LPAR1: variants seen among roughly 807,000 people sequenced by gnomAD.
The protein encoded by LPAR1 is LPA receptor 1.
In LPAR1, 5 loss-of-function variants were observed where a neutral mutation model predicts 23.8. The ratio of observed to expected loss-of-function variants is 0.21; its 90% CI spans 0.11 to 0.44. LPAR1 has a LOEUF of 0.44. Ranked by LOEUF, LPAR1 falls within the 20% of genes least tolerant of loss-of-function variation. LPAR1 has a pLI of 0.99. For missense variants in LPAR1, 311 were observed against 482.8 expected, an observed-to-expected ratio of 0.64 and a Z score of 3.33; for synonymous variants, 160 against 164.7, an observed-to-expected ratio of 0.97 and a Z score of 0.22.
intron 3 of LPAR1, 63 bp from the exon 4 acceptor site, chr9:110,972,283 C>T (rs981112240): frequency 1.6e-6 from 1 of 623,242 alleles, no homozygotes; most frequent in Non-Finnish European, 2.9e-6. Context: ...TGTGAAGTAC[C>T]ATTGGCCAAA....
In LPAR1 at chr9:110,977,125, G is replaced by A. The variant is rs1372286571; in HGVS notation, c.-181-3567C>T. 3.3e-5 allele frequency among the ~76,000 whole-genome samples: 5 copies of A among 152,304 alleles called. No individual in the cohort carries two copies. The East Asian group carries it at 9.7e-4, about 29-fold the overall frequency. ...CACGATATCCTCTTCATGTGAAACT[G>A]CAACTGCACAACCAGAAAATAAGCA... On this transcript the variant is annotated intron_variant, in intron 2 of 5. Coordinates refer to ENST00000683809, the MANE Select transcript of LPAR1 (RefSeq NM_001351411.2).
chr9:111,028,983 T>G (rs901065465), intron 2 of LPAR1, among the ~76,000 whole-genome samples: 1 of 152,104 alleles, frequency 6.6e-6, no homozygotes, highest in South Asian at 2.1e-4. Flanking sequence ...TTGTTGAAAT[T>G]TGCACCATTT....
intron 4 of LPAR1, among the ~76,000 whole-genome samples, chr9:110,944,451 T>C (rs2095300801): frequency 6.6e-6 from 1 of 152,216 alleles, no homozygotes; most frequent in South Asian, 2.1e-4. Flanking sequence ...TATTTAAAAC[T>C]TTGTCAAGAC....
At chr9:111,005,163 A>C (rs2097192396) in intron 2 of LPAR1, among the ~76,000 whole-genome samples, 1 of 151,652 alleles carries the variant, frequency 6.6e-6, no homozygotes, top group Admixed American at 6.6e-5. Context: ...AAAAAAAAAA[A>C]AAAAAAAAAA....
intron 5 of LPAR1, among the ~76,000 whole-genome samples, chr9:110,914,316 G>C (rs950367154): frequency 6.6e-6 from 1 of 152,160 alleles, no homozygotes; most frequent in Admixed American, 6.5e-5. Context: ...CACATGGCTG[G>C]GGAGGCCTCA....
At chr9:110,879,352 A>G (rs1489402498) in intron 5 of LPAR1, among the ~76,000 whole-genome samples, 1 of 135,958 alleles carries the variant, frequency 7.4e-6, no homozygotes, top group Non-Finnish European at 1.5e-5. Flanking sequence ...CAGGAGGCAG[A>G]GGTTGCAGTG....
chr9:111,022,463 G>A (rs1237378139), intron 2 of LPAR1, among the ~76,000 whole-genome samples: 1 of 152,006 alleles, frequency 6.6e-6, no homozygotes, highest in East Asian at 1.9e-4. Context: ...TTAAAAGAGG[G>A]TGGGGGGAAT....
chr9:111,009,818 T>G (rs1053741051), intron 2 of LPAR1, among the ~76,000 whole-genome samples: 4 of 151,702 alleles, frequency 2.6e-5, no homozygotes, highest in African/African-American at 7.3e-5. Context: ...AATCAATAAT[T>G]GAATAAATTA....
chr9:111,026,704 A>G (rs1250817663), intron 2 of LPAR1, among the ~76,000 whole-genome samples: 1 of 152,158 alleles, frequency 6.6e-6, no homozygotes, highest in African/African-American at 2.4e-5. Context: ...ATGTTCCATC[A>G]ATACCTAGTT....
At chr9:110,976,217 G>T (rs1384516555) in intron 2 of LPAR1, among the ~76,000 whole-genome samples, 1 of 151,918 alleles carries the variant, frequency 6.6e-6, no homozygotes, top group African/African-American at 2.4e-5. Flanking sequence ...CCCTGGCTGG[G>T]TGTGGTGGTT....
intron 2 of LPAR1, among the ~76,000 whole-genome samples, chr9:111,016,000 T>C (rs1191919009): frequency 6.6e-6 from 1 of 152,054 alleles, no homozygotes; most frequent in Non-Finnish European, 1.5e-5. Context: ...CCCCAGCACT[T>C]TGGATCTACT....
At chr9:110,979,906 A>G in intron 2 of LPAR1, among the ~76,000 whole-genome samples, 1 of 151,916 alleles carries the variant, frequency 6.6e-6, no homozygotes. Flanking sequence ...TAGTATATCA[A>G]GAGGAGATTT....
chr9:110,886,503 T>C (rs955473579), intron 5 of LPAR1, among the ~76,000 whole-genome samples: 1 of 151,662 alleles, frequency 6.6e-6, no homozygotes, highest in East Asian at 1.9e-4. Context: ...GTCACTGATA[T>C]TATTTTAAAC....
At chr9:110,907,667 T>C (rs766697998) in intron 5 of LPAR1, among the ~76,000 whole-genome samples, 1 of 152,184 alleles carries the variant, frequency 6.6e-6, no homozygotes, top group Admixed American at 6.5e-5. Context: ...CATGGGAGAC[T>C]ACAGGTTACT....
chr9:110,895,633 A>T (rs2133497038), intron 5 of LPAR1, among the ~76,000 whole-genome samples: 1 of 152,234 alleles, frequency 6.6e-6, no homozygotes, highest in South Asian at 2.1e-4. Flanking sequence ...ACAGTTCAGG[A>T]GGGTCTGTTG....
intron 2 of LPAR1, among the ~76,000 whole-genome samples, chr9:110,977,319 T>C (rs1183249126): frequency 1.3e-5 from 2 of 152,158 alleles, no homozygotes. Flanking sequence ...CATTTACTTC[T>C]GGTTGACAGG....
chr9:110,929,433 G>T (rs1294010958), intron 5 of LPAR1, among the ~76,000 whole-genome samples: 1 of 151,906 alleles, frequency 6.6e-6, no homozygotes, highest in Non-Finnish European at 1.5e-5. Flanking sequence ...GTAACAGAAG[G>T]GAAAAATTCA....
intron 4 of LPAR1, among the ~76,000 whole-genome samples, chr9:110,959,460 A>T (rs573382470): frequency 2.7e-5 from 4 of 149,582 alleles, no homozygotes; most frequent in African/African-American, 7.6e-5. Flanking sequence ...TACCAAAAAT[A>T]AAAAAAAATT....
intron 4 of LPAR1, among the ~76,000 whole-genome samples, chr9:110,944,243 A>T (rs10980651): frequency 0.17 from 26,607 of 152,082 alleles, 3,141 homozygotes; most frequent in East Asian, 0.6. Context: ...CTGTATCATA[A>T]TTGCTTAATT....
Sources: gnomAD v4.1 joint callset for allele counts (sites outside exome capture counted in the v4.1 genomes callset) on GRCh38, gnomAD v4.1.1 for gene constraint, MANE v1.5 for transcripts, NCBI Gene and HGNC (gene_info 2026-07-23, HGNC 2026-07-21) for gene names.